The following PTPRD variants were observed in gnomAD, a reference collection of about 807,000 sequenced individuals.
PTPRD encodes receptor-type tyrosine-protein phosphatase delta.
Under a neutral mutation model 214.5 loss-of-function variants are expected in PTPRD, and 34 were observed. The ratio of observed to expected loss-of-function variants is 0.16; its 90% CI spans 0.12 to 0.21. The LOEUF (loss-of-function observed/expected upper bound fraction) is 0.21. Ranked by LOEUF, PTPRD falls within the 10% of genes least tolerant of loss-of-function variation. PTPRD has a pLI of 1.00. For synonymous variants in PTPRD, 1,128 were observed against 845.7 expected, an observed-to-expected ratio of 1.33 and a Z score of -5.79; for missense variants, 2,545 against 2,398.7, an observed-to-expected ratio of 1.06 and a Z score of -1.27.
chr9:8,757,839 C>T (rs978474719), intron 11 of PTPRD, among the ~76,000 whole-genome samples: 17 of 152,156 alleles, frequency 1.1e-4, no homozygotes, highest in Admixed American at 1.1e-3. Context: ...AAAATATAAT[C>T]CCAATTTTGA....
At chr9:8,378,726 G>A (rs1335684381) in intron 37 of PTPRD, among the ~76,000 whole-genome samples, 1 of 151,992 alleles carries the variant, frequency 6.6e-6, no homozygotes, top group Non-Finnish European at 1.5e-5. Flanking sequence ...GATCTATACA[G>A]CCAGTTCAAT....
chr9:9,409,700 A>C (rs2074732392), intron 8 of PTPRD, among the ~76,000 whole-genome samples: 1 of 152,060 alleles, frequency 6.6e-6, no homozygotes, highest in South Asian at 2.1e-4. Flanking sequence ...CTTCCCAAGA[A>C]ATCGTAGAAA....
intron 3 of PTPRD, among the ~76,000 whole-genome samples, chr9:10,256,451 C>T (rs1172622742): frequency 1.3e-5 from 2 of 150,066 alleles, no homozygotes; most frequent in Non-Finnish European, 2.9e-5. Flanking sequence ...ATACAGTATA[C>T]TATATAAAAA....
chr9:8,980,915 C>T (rs2099309503), intron 11 of PTPRD, among the ~76,000 whole-genome samples: 1 of 151,944 alleles, frequency 6.6e-6, no homozygotes, highest in Non-Finnish European at 1.5e-5. Context: ...GCCAAAATTC[C>T]ATTGTTTAGA....
intron 2 of PTPRD, among the ~76,000 whole-genome samples, chr9:10,606,160 C>T (rs1479739154): frequency 2.6e-5 from 4 of 151,748 alleles, no homozygotes; most frequent in Non-Finnish European, 4.4e-5. Context: ...AGCAAAAAAA[C>T]GGAAAAGTGA....
At chr9:10,176,102 T>C (rs2099246979) in intron 3 of PTPRD, among the ~76,000 whole-genome samples, 1 of 152,050 alleles carries the variant, frequency 6.6e-6, no homozygotes, top group South Asian at 2.1e-4. Context: ...AGGTTTTTTT[T>C]CTTTGAGGAG....
intron 2 of PTPRD, among the ~76,000 whole-genome samples, chr9:10,541,321 C>T (rs915853614): frequency 6.6e-6 from 1 of 152,112 alleles, no homozygotes; most frequent in South Asian, 2.1e-4. Context: ...CACAGAAAAA[C>T]ATATCCAATT....
chr9:8,688,437 C>T (rs902198995), intron 12 of PTPRD, among the ~76,000 whole-genome samples: 13 of 151,738 alleles, frequency 8.6e-5, no homozygotes, highest in Admixed American at 3.9e-4. Flanking sequence ...TGGTGGTGGG[C>T]GCCTGTAGTC....
At chr9:9,736,905 T>C (rs984005974) in intron 6 of PTPRD, among the ~76,000 whole-genome samples, 1 of 152,098 alleles carries the variant, frequency 6.6e-6, no homozygotes, top group Non-Finnish European at 1.5e-5. Flanking sequence ...CACTTACTGT[T>C]TCTTACGTTG....
intron 2 of PTPRD, among the ~76,000 whole-genome samples, chr9:10,581,306 T>G (rs2071688443): frequency 6.6e-6 from 1 of 152,142 alleles, no homozygotes; most frequent in South Asian, 2.1e-4. Flanking sequence ...TATTCCAAAT[T>G]CTAAAGAAAT....
chr9:10,489,786 G>A (rs1487014803), intron 2 of PTPRD, among the ~76,000 whole-genome samples: 1 of 152,076 alleles, frequency 6.6e-6, no homozygotes, highest in East Asian at 1.9e-4. Flanking sequence ...TGATAGGGCA[G>A]CACTGAGTTC....
intron 11 of PTPRD, among the ~76,000 whole-genome samples, chr9:8,978,425 A>G (rs2099280322): frequency 6.6e-6 from 1 of 152,110 alleles, no homozygotes; most frequent in South Asian, 2.1e-4. Context: ...GCTCTCAATA[A>G]ATATCCACGG....
chr9:9,657,506 C>T (rs1248894461), intron 7 of PTPRD, among the ~76,000 whole-genome samples: 3 of 151,934 alleles, frequency 2.0e-5, no homozygotes, highest in Non-Finnish European at 2.9e-5. Flanking sequence ...ATGTAAATGA[C>T]GAGTTGATGA....
intron 11 of PTPRD, among the ~76,000 whole-genome samples, chr9:8,953,990 T>C (rs1331356106): frequency 3.3e-5 from 5 of 151,986 alleles, no homozygotes; most frequent in Non-Finnish European, 7.4e-5. Flanking sequence ...ATCCCGTTAC[T>C]AGTTATATAC....
At chr9:8,328,016 A>T (rs1186326444) in intron 44 of PTPRD, among the ~76,000 whole-genome samples, 3 of 152,188 alleles carry the variant, frequency 2.0e-5, no homozygotes, top group African/African-American at 7.2e-5. Flanking sequence ...TAGCCTATTT[A>T]CATTTAAGGT....
chr9:9,371,693 A>C (rs2059542084), intron 9 of PTPRD, among the ~76,000 whole-genome samples: 1 of 151,948 alleles, frequency 6.6e-6, no homozygotes, highest in East Asian at 1.9e-4. Flanking sequence ...TAGTTCTTTT[A>C]ATTGCGATGT....
intron 11 of PTPRD, among the ~76,000 whole-genome samples, chr9:8,987,934 G>C (rs1420202816): frequency 6.6e-6 from 1 of 152,046 alleles, no homozygotes; most frequent in South Asian, 2.1e-4. Context: ...CCCTTGTAAA[G>C]AGTACTGTGG....
chr9:9,087,117 T>G (rs575317202), intron 10 of PTPRD, among the ~76,000 whole-genome samples: 1 of 152,326 alleles, frequency 6.6e-6, no homozygotes, highest in South Asian at 2.1e-4. Context: ...TGGCTTTTTT[T>G]TCTCTCTTGG....
intron 3 of PTPRD, among the ~76,000 whole-genome samples, chr9:10,309,363 G>A (rs1034189090): frequency 1.3e-5 from 2 of 151,224 alleles, no homozygotes; most frequent in African/African-American, 2.4e-5. Flanking sequence ...GTTGTGTTGT[G>A]TTTTTTGAAG....
Sources: gnomAD v4.1 joint callset for allele counts (sites outside exome capture counted in the v4.1 genomes callset) on GRCh38, gnomAD v4.1.1 for gene constraint, MANE v1.5 for transcripts, NCBI Gene and HGNC (gene_info 2026-07-23, HGNC 2026-07-21) for gene names.